Variants in GLIS3 observed in about 807,000 individuals in gnomAD.
GLIS3 encodes the protein GLIS family zinc finger 3.
Under a neutral mutation model 78.6 loss-of-function variants are expected in GLIS3, and 53 were observed. The ratio of observed to expected loss-of-function variants is 0.67; its 90% CI spans 0.54 to 0.85. The LOEUF is 0.85. Ranked by LOEUF, GLIS3 falls within the 40% of genes least tolerant of loss-of-function variation. The pLI, the probability that GLIS3 is intolerant of heterozygous loss-of-function variation, is 0.00. For synonymous variants in GLIS3, 684 were observed against 509.9 expected, an observed-to-expected ratio of 1.34 and a Z score of -4.60; for missense variants, 1,703 against 1,231.1, an observed-to-expected ratio of 1.38 and a Z score of -5.74.
chr9:4,092,335 G>A (rs1257907984), intron 4 of GLIS3, among the ~76,000 whole-genome samples: 1 of 151,666 alleles, frequency 6.6e-6, no homozygotes, highest in Non-Finnish European at 1.5e-5. Context: ...TGTATTTTTA[G>A]TAGAGACAGG....
At chr9:3,848,361 G>A (rs1819194109) in intron 9 of GLIS3, among the ~76,000 whole-genome samples, 1 of 152,100 alleles carries the variant, frequency 6.6e-6, no homozygotes, top group South Asian at 2.1e-4. Context: ...AATTAGCTGG[G>A]CGTGGTGGCG....
At chr9:4,468,887 G>A in the GLIS3 span, among the ~76,000 whole-genome samples, 16 of 152,228 alleles carry the variant, frequency 1.1e-4, no homozygotes, top group East Asian at 2.3e-3. Context: ...GTATTCAGGA[G>A]ACTCATCTCA....
intron 2 of GLIS3, among the ~76,000 whole-genome samples, chr9:4,132,993 C>CA (rs2130944725): frequency 6.6e-6 from 1 of 152,240 alleles, no homozygotes; most frequent in East Asian, 1.9e-4. Context: ...TAGTAAATAT[C>CA]AATATATGCC....
At chr9:3,997,909 A>T (rs1820859330) in intron 4 of GLIS3, among the ~76,000 whole-genome samples, 1 of 152,188 alleles carries the variant, frequency 6.6e-6, no homozygotes, top group Non-Finnish European at 1.5e-5. Flanking sequence ...AAAGCCATAA[A>T]AATAAATGCA....
chr9:4,171,088 A>C (rs1816333090), intron 2 of GLIS3, among the ~76,000 whole-genome samples: 1 of 152,208 alleles, frequency 6.6e-6, no homozygotes, highest in Non-Finnish European at 1.5e-5. Context: ...CACTTTGATG[A>C]GTATCACCTG....
chr9:4,018,653 G>A (rs1055838170), intron 4 of GLIS3, among the ~76,000 whole-genome samples: 1 of 152,102 alleles, frequency 6.6e-6, no homozygotes, highest in African/African-American at 2.4e-5. Flanking sequence ...GTTCTCAACT[G>A]CGTTCCACCT....
chr9:4,042,042 A>C (rs970004764), intron 4 of GLIS3, among the ~76,000 whole-genome samples: 13 of 152,340 alleles, frequency 8.5e-5, no homozygotes, highest in Non-Finnish European at 1.5e-4. Context: ...TCAAGAGAGC[A>C]ACTCTCAAGC....
intron 6 of GLIS3, among the ~76,000 whole-genome samples, chr9:3,910,379 T>C (rs1238916260): frequency 6.6e-6 from 1 of 152,204 alleles, no homozygotes; most frequent in African/African-American, 2.4e-5. Flanking sequence ...TGAGACAGTC[T>C]TGTTCTGTCA....
chr9:4,075,440 G>C (rs1007494634), intron 4 of GLIS3, among the ~76,000 whole-genome samples: 14 of 146,480 alleles, frequency 9.6e-5, no homozygotes, highest in African/African-American at 2.8e-4. Flanking sequence ...GCTGGGCATA[G>C]TGGCGGGTGC....
chr9:4,008,600 C>G (rs537733066), intron 4 of GLIS3, among the ~76,000 whole-genome samples: 1 of 152,312 alleles, frequency 6.6e-6, no homozygotes, highest in African/African-American at 2.4e-5. Flanking sequence ...CTGTGGCCAG[C>G]TGGTGACTCT....
intron 4 of GLIS3, among the ~76,000 whole-genome samples, chr9:4,042,473 C>T (rs1462471344): frequency 6.6e-6 from 1 of 152,130 alleles, no homozygotes. Flanking sequence ...AAGAGGCCAA[C>T]ACTTACTCGT....
At chr9:4,146,115 A>T (rs1564115531) in intron 2 of GLIS3, among the ~76,000 whole-genome samples, 1 of 152,172 alleles carries the variant, frequency 6.6e-6, no homozygotes, top group Non-Finnish European at 1.5e-5. Context: ...GATTTTGTCA[A>T]ATTCAGTTCT....
chr9:4,393,206 A>T, the GLIS3 span, among the ~76,000 whole-genome samples: 2 of 152,160 alleles, frequency 1.3e-5, no homozygotes, highest in African/African-American at 4.8e-5. Flanking sequence ...TTTGCTGTAC[A>T]TACCTGTATG....
At chr9:4,097,823 A>G (rs1830078415) in intron 4 of GLIS3, among the ~76,000 whole-genome samples, 1 of 152,132 alleles carries the variant, frequency 6.6e-6, no homozygotes, top group Non-Finnish European at 1.5e-5. Flanking sequence ...TCATCCACAA[A>G]AGCAGTGGGA....
At chr9:4,382,724 C>CTA in the GLIS3 span, among the ~76,000 whole-genome samples, 1 of 152,098 alleles carries the variant, frequency 6.6e-6, no homozygotes, top group Non-Finnish European at 1.5e-5. Flanking sequence ...GAGACAGCAT[C>CTA]TATATATATT....
chr9:3,961,352 T>C (rs1397457681), intron 4 of GLIS3, among the ~76,000 whole-genome samples: 1 of 152,196 alleles, frequency 6.6e-6, no homozygotes, highest in Admixed American at 6.5e-5. Context: ...ATGCTTGGAA[T>C]ACAGGCTTGA....
chr9:4,429,908 T>G, the GLIS3 span, among the ~76,000 whole-genome samples: 59 of 152,234 alleles, frequency 3.9e-4, no homozygotes, highest in Non-Finnish European at 6.2e-4. Context: ...ATCTTTTGTT[T>G]TAGGCATTTT....
chr9:3,857,331 T>G, intron 8 of GLIS3, among the ~76,000 whole-genome samples: 1 of 152,328 alleles, frequency 6.6e-6, no homozygotes, highest in Non-Finnish European at 1.5e-5. Flanking sequence ...AGGAACAAAT[T>G]GCTTTAACTT....
intron 9 of GLIS3, among the ~76,000 whole-genome samples, chr9:3,839,653 A>G (rs960870793): frequency 2.0e-5 from 3 of 152,078 alleles, no homozygotes; most frequent in Admixed American, 6.6e-5. Context: ...CATGTTTCAG[A>G]ACCAGGACTC....
Sources: gnomAD v4.1 joint callset for allele counts (sites outside exome capture counted in the v4.1 genomes callset) on GRCh38, gnomAD v4.1.1 for gene constraint, MANE v1.5 for transcripts, NCBI Gene and HGNC (gene_info 2026-07-23, HGNC 2026-07-21) for gene names.